Variants in FRMD4B observed in about 807,000 individuals in gnomAD.
FRMD4B encodes the protein FERM domain-containing protein 4B.
FRMD4B carries 74 observed loss-of-function variants against 141.5 expected under a neutral mutation model. The observed-to-expected ratio is 0.52, with a 90% CI of 0.43 to 0.63. The LOEUF is 0.63. Ranked by LOEUF, FRMD4B falls within the 30% of genes least tolerant of loss-of-function variation. FRMD4B has a pLI of 0.00. For synonymous variants in FRMD4B, 506 were observed against 467.9 expected (o/e 1.08, Z -1.05); for missense variants, 1,366 against 1,253.4 (o/e 1.09, Z -1.36).
At chr3:69,214,235 T>C (rs2093116601) in intron 11 of FRMD4B, among the ~76,000 whole-genome samples, 1 of 152,236 alleles carries the variant, frequency 6.6e-6, no homozygotes, top group Non-Finnish European at 1.5e-5. Context: ...ATTATAGGGC[T>C]GTTTTATAAA....
At chr3:69,313,965 C>T (rs1575721338) in intron 1 of FRMD4B, among the ~76,000 whole-genome samples, 1 of 147,810 alleles carries the variant, frequency 6.8e-6, no homozygotes, top group Non-Finnish European at 1.5e-5. Context: ...CGGTGAAACC[C>T]CGTCTCTACT....
chr3:69,234,603 C>G (rs567134369), intron 7 of FRMD4B, among the ~76,000 whole-genome samples: 2 of 152,234 alleles, frequency 1.3e-5, no homozygotes, highest in Non-Finnish European at 2.9e-5. Flanking sequence ...CTAGAAATTT[C>G]TAATAGTAAG....
chr3:69,521,282 C>A (rs1700849776), intron 1 of FRMD4B, among the ~76,000 whole-genome samples: 1 of 152,306 alleles, frequency 6.6e-6, no homozygotes. Flanking sequence ...AGTCTCACAA[C>A]AAAATTAACT....
rs1193698827 is a variant in FRMD4B at position 69,185,946 on chromosome 3, G to C, written c.1919+1824C>G. 2.6e-5 allele frequency among the ~76,000 whole-genome samples: 4 copies of C among 151,932 alleles called. No individual in the cohort carries two copies. The East Asian group carries it at 7.8e-4, about 30-fold the overall frequency. ...AGTCCCAGCTACTTGGAAGGCTGAG[G>C]GGGGAGAATTGCTTGAACCTGAAAG... On this transcript the variant is annotated intron_variant, in intron 19 of 22. Coordinates refer to ENST00000398540, the MANE Select transcript of FRMD4B (RefSeq NM_015123.3).
intron 2 of FRMD4B, among the ~76,000 whole-genome samples, chr3:69,416,702 G>T (rs1190481289): frequency 6.6e-6 from 1 of 151,920 alleles, no homozygotes; most frequent in Non-Finnish European, 1.5e-5. Flanking sequence ...CCATCCCCTT[G>T]CCCCCAACCT....
At chr3:69,526,957 G>T (rs901169964) in intron 1 of FRMD4B, among the ~76,000 whole-genome samples, 2 of 152,098 alleles carry the variant, frequency 1.3e-5, no homozygotes, top group Non-Finnish European at 2.9e-5. Context: ...CTTGATACAT[G>T]AAACCATTTT....
In FRMD4B at chr3:69,198,212, CTTT is replaced by C. The variant is rs59627470; in HGVS notation, c.953+483_953+485del. The stretch of plus-strand genomic sequence containing the variant: ...ACTTCAGTTCATGTTGGTAATTTGG[CTTT>C]TTTTTTTTTTTTTAAATGACCAAGA... On this transcript the variant is annotated intron_variant, in intron 12 of 22. Transcript: ENST00000398540. 4.0e-3 allele frequency: 577 copies of C among 145,836 alleles called. 1 individual carries two copies. The highest frequency in any genetic ancestry group is 7.0e-3 in the Middle Eastern group (2 of 286). 9.0% of individuals were successfully genotyped at this position (145,836 alleles called of 1,614,324 possible).
chr3:69,370,080 C>T (rs1176658980), intron 1 of FRMD4B, among the ~76,000 whole-genome samples: 4 of 151,030 alleles, frequency 2.6e-5, no homozygotes, highest in African/African-American at 9.7e-5. Context: ...TAATAAAGGC[C>T]AGAAATAAAT....
At chr3:69,209,016 C>T (rs759190621) in intron 11 of FRMD4B, among the ~76,000 whole-genome samples, 2 of 151,950 alleles carry the variant, frequency 1.3e-5, no homozygotes. Flanking sequence ...TGGTGGCGTG[C>T]GCCTGTAGTC....
At chr3:69,260,244 T>C (rs978786353) in intron 5 of FRMD4B, among the ~76,000 whole-genome samples, 7 of 152,184 alleles carry the variant, frequency 4.6e-5, no homozygotes, top group African/African-American at 1.4e-4. Flanking sequence ...GCTGGCTCCC[T>C]CTGCTTGCGG....
intron 1 of FRMD4B, among the ~76,000 whole-genome samples, chr3:69,463,164 T>C (rs1489956370): frequency 1.3e-5 from 2 of 152,216 alleles, no homozygotes; most frequent in Admixed American, 1.3e-4. Context: ...CCCAGGAAGT[T>C]TCCTTAGACC....
chr3:69,313,790 A>T (rs1252631918), intron 1 of FRMD4B, among the ~76,000 whole-genome samples: 1 of 152,192 alleles, frequency 6.6e-6, no homozygotes, highest in Non-Finnish European at 1.5e-5. Flanking sequence ...ATTCTATGAA[A>T]AGTAGGTCTC....
At chr3:69,403,710 C>T (rs1211104924) in intron 2 of FRMD4B, among the ~76,000 whole-genome samples, 5 of 152,108 alleles carry the variant, frequency 3.3e-5, no homozygotes, top group South Asian at 2.1e-4. Flanking sequence ...GGCATATGGA[C>T]ATTTGAACCT....
chr3:69,176,722 A>G, intron 21 of FRMD4B, 66 bp from the exon 22 acceptor site: 1 of 1,098,546 alleles, frequency 9.1e-7, no homozygotes. Context: ...TGTTAAGGTC[A>G]TTCAGAGGTA....
chr3:69,396,244 T>C (rs1009589809), intron 2 of FRMD4B, among the ~76,000 whole-genome samples: 7 of 152,176 alleles, frequency 4.6e-5, no homozygotes, highest in Non-Finnish European at 8.8e-5. Context: ...TGGTGGCTCA[T>C]GCCTGTAATC....
chr3:69,540,858 C>A (rs1196746022), intron 1 of FRMD4B, among the ~76,000 whole-genome samples: 1 of 151,856 alleles, frequency 6.6e-6, no homozygotes, highest in Admixed American at 6.6e-5. Context: ...TAACCTCTCT[C>A]AAGGGCTAGG....
At chr3:69,186,802 G>C (rs1276874642) in intron 19 of FRMD4B, among the ~76,000 whole-genome samples, 1 of 152,148 alleles carries the variant, frequency 6.6e-6, no homozygotes, top group African/African-American at 2.4e-5. Flanking sequence ...GCCTCCCAAA[G>C]TGCTGGGATT....
At chr3:69,396,847 G>T (rs1220698201) in intron 2 of FRMD4B, among the ~76,000 whole-genome samples, 1 of 152,144 alleles carries the variant, frequency 6.6e-6, no homozygotes, top group Non-Finnish European at 1.5e-5. Flanking sequence ...CCACAAAAGT[G>T]AAAACAGGCA....
At chr3:69,410,726 A>ATATATATAT (rs1704742541) in intron 2 of FRMD4B, among the ~76,000 whole-genome samples, 5 of 86,304 alleles carry the variant, frequency 5.8e-5, no homozygotes, top group Non-Finnish European at 1.2e-4. Context: ...TAAATAAATA[A>ATATATATAT]ATATATATAT....
Sources: allele counts gnomAD v4.1 joint callset (sites outside exome capture counted in the v4.1 genomes callset), GRCh38; gene constraint gnomAD v4.1.1; transcripts MANE v1.5; gene names NCBI Gene and HGNC (gene_info 2026-07-23, HGNC 2026-07-21).